Variants in BBS9 observed in about 807,000 individuals in gnomAD.
BBS9 encodes the protein protein PTHB1.
BBS9 carries 89 observed loss-of-function variants against 117.7 expected under a neutral mutation model. That is an observed-to-expected ratio of 0.76 (90% CI 0.64 to 0.90). BBS9 has a LOEUF of 0.90. Ranked by LOEUF, BBS9 falls within the 40% of genes least tolerant of loss-of-function variation. BBS9 has a pLI of 0.00. For missense variants in BBS9, 982 were observed against 1,042.2 expected, an observed-to-expected ratio of 0.94 and a Z score of 0.80; for synonymous variants, 379 against 370.9, an observed-to-expected ratio of 1.02 and a Z score of -0.25.
At chr7:33,363,700 T>A (rs1375753833) in intron 16 of BBS9, among the ~76,000 whole-genome samples, 2 of 151,202 alleles carry the variant, frequency 1.3e-5, no homozygotes, top group South Asian at 2.1e-4. Context: ...TTTTTTTTTT[T>A]AACCAGGTTG....
At chr7:33,615,160 A>G (rs1865066950) in intron 21 of BBS9, among the ~76,000 whole-genome samples, 1 of 152,024 alleles carries the variant, frequency 6.6e-6, no homozygotes, top group Non-Finnish European at 1.5e-5. Context: ...CTTGTTTACC[A>G]CAGTTCTTTT....
At chr7:33,479,277 A>G (rs570727635) in intron 19 of BBS9, among the ~76,000 whole-genome samples, 113 of 152,004 alleles carry the variant, frequency 7.4e-4, no homozygotes, top group South Asian at 1.9e-3. Flanking sequence ...CACAGTATCT[A>G]TTTTTCCCAT....
At chr7:33,221,726 A>T (rs2128239782) in intron 5 of BBS9, among the ~76,000 whole-genome samples, 1 of 152,276 alleles carries the variant, frequency 6.6e-6, no homozygotes, top group South Asian at 2.1e-4. Flanking sequence ...TGTTTAAAAA[A>T]TTTTCACAAT....
chr7:33,166,059 TTTTG>T (rs778506992), intron 4 of BBS9, among the ~76,000 whole-genome samples: 3 of 152,208 alleles, frequency 2.0e-5, no homozygotes, highest in Non-Finnish European at 2.9e-5. Flanking sequence ...TGCTATTCCT[TTTTG>T]TTTGTTAGTT....
chr7:33,410,510 G>A lies in BBS9; in HGVS notation c.2115+22366G>A, dbSNP rs139279294. ...CCCCCTCTCTGTCACTCTCCCAGGA[G>A]ACAACCTTATATTCTGTCTTGTCAG... is the stretch of plus-strand genomic sequence containing the variant. On this transcript the variant is annotated intron_variant, in intron 19 of 22. Transcript: ENST00000242067. Among the ~76,000 whole-genome samples the A allele has an allele frequency of 3.9e-5, 6 of 152,230 alleles. No homozygotes were observed. The East Asian group carries it at 1.2e-3, about 29-fold the overall frequency.
downstream of BBS9, among the ~76,000 whole-genome samples, chr7:33,607,113 A>G (rs1256325328): frequency 6.6e-5 from 10 of 152,150 alleles, no homozygotes; most frequent in Non-Finnish European, 1.3e-4. Context: ...CTGGTAGGAT[A>G]GATTTGCAAG....
At chr7:33,144,947 A>G (rs909105852) in intron 1 of BBS9, among the ~76,000 whole-genome samples, 3 of 152,220 alleles carry the variant, frequency 2.0e-5, no homozygotes, top group African/African-American at 7.2e-5. Flanking sequence ...ATGAAATTAG[A>G]TAAGGTTAGT....
intron 19 of BBS9, among the ~76,000 whole-genome samples, chr7:33,491,333 A>G (rs1224580795): frequency 1.3e-5 from 2 of 152,184 alleles, no homozygotes; most frequent in Non-Finnish European, 2.9e-5. Context: ...CTGATTTGAA[A>G]ACCATTAAAG....
At chr7:33,502,273 T>C (rs1470347898) in intron 19 of BBS9, among the ~76,000 whole-genome samples, 1 of 152,118 alleles carries the variant, frequency 6.6e-6, no homozygotes, top group East Asian at 1.9e-4. Context: ...TAAATAGCTC[T>C]CTGGGGAAGA....
intron 21 of BBS9, among the ~76,000 whole-genome samples, chr7:33,569,219 A>G (rs1203297970): frequency 6.6e-6 from 1 of 152,172 alleles, no homozygotes; most frequent in Non-Finnish European, 1.5e-5. Flanking sequence ...AAAGTATTAT[A>G]CACAAACGCT....
At chr7:33,500,295 T>C (rs536557264) in intron 19 of BBS9, among the ~76,000 whole-genome samples, 19 of 152,360 alleles carry the variant, frequency 1.2e-4, no homozygotes, top group African/African-American at 4.6e-4. Context: ...GAAAATTCAC[T>C]GGATTATTTT....
At position 33,357,926 on chromosome 7, in the gene BBS9, A is replaced by T. The variant is rs1417640176; in HGVS notation, c.1624A>T (p.Lys542Ter). 7.4e-6 allele frequency: 12 copies of T among 1,612,700 alleles called. No homozygotes were observed. The highest frequency in any genetic ancestry group is 1.0e-5 in the Non-Finnish European group (12 of 1,178,968). The change falls in exon 16 of 23, where the codon AAA becomes TAA. Residue 542 changes from lysine (K) to a stop codon, truncating the protein, a stop_gained. Transcript: ENST00000242067. LOFTEE classifies it high-confidence loss of function. ...AATTTGCCTACCAGGTCAGCCTTCA[A>T]AAACTGCAAGCCACAAAATTACTAT... is the stretch of plus-strand genomic sequence containing the variant. ...KLICLPGQPS[K>*]TASHKITIDT...
intron 20 of BBS9, among the ~76,000 whole-genome samples, chr7:33,525,914 T>G (rs1432063577): frequency 6.6e-6 from 1 of 151,850 alleles, no homozygotes; most frequent in Non-Finnish European, 1.5e-5. Flanking sequence ...GTTTAGCGCT[T>G]CCTTCCGGAG....
At chr7:33,592,973 A>C (rs1424286209) in intron 21 of BBS9, among the ~76,000 whole-genome samples, 2 of 152,104 alleles carry the variant, frequency 1.3e-5, no homozygotes, top group Non-Finnish European at 2.9e-5. Context: ...CTGTAGCTGT[A>C]ATGTTTTATT....
intron 21 of BBS9, among the ~76,000 whole-genome samples, chr7:33,585,637 G>A (rs959165331): frequency 6.6e-6 from 1 of 151,702 alleles, no homozygotes; most frequent in African/African-American, 2.4e-5. Context: ...ACTATGGCTA[G>A]CACATAAGTG....
At chr7:33,281,755 A>G (rs1311748240) in intron 9 of BBS9, among the ~76,000 whole-genome samples, 2 of 151,932 alleles carry the variant, frequency 1.3e-5, no homozygotes, top group African/African-American at 2.4e-5. Context: ...GTAAAAATGT[A>G]TTGTTATATT....
intron 5 of BBS9, among the ~76,000 whole-genome samples, chr7:33,183,766 G>C (rs1036721583): frequency 6.6e-6 from 1 of 152,132 alleles, no homozygotes; most frequent in Non-Finnish European, 1.5e-5. Context: ...TACTTAAAAG[G>C]TCAAGCTCCC....
Position 33,336,487 on chromosome 7 carries a change from C to T in BBS9, c.1063C>T (p.Gln355Ter), listed in dbSNP as rs137852858. ...IVTLSDDGHLQCSYLGTDPSL... is the reference protein window; with the variant it reads ...IVTLSDDGHL The stretch of plus-strand genomic sequence containing the variant: ...CACTCTGAGTGATGATGGTCACTTG[C>T]AGTGTTCATACCTGGGGACAGATCC... Residue 355 changes from glutamine (Q) to a stop codon, truncating the protein, a stop_gained, in exon 10 of 23, where the codon CAG becomes TAG. Coordinates refer to ENST00000242067, the MANE Select transcript of BBS9 (RefSeq NM_198428.3). LOFTEE classifies it high-confidence loss of function. 15 of 1,613,702 alleles carry T rather than the reference C, an allele frequency of 9.3e-6. No individual in the cohort carries two copies. The highest frequency in any genetic ancestry group is 1.3e-5 in the Non-Finnish European group (15 of 1,179,738).
At chr7:33,629,475 G>A (rs543955697) in intron 21 of BBS9, among the ~76,000 whole-genome samples, 2 of 152,162 alleles carry the variant, frequency 1.3e-5, no homozygotes, top group Admixed American at 1.3e-4. Context: ...CTGTTCGATC[G>A]CTATGTGACG....
Sources: gnomAD v4.1 joint callset for allele counts (sites outside exome capture counted in the v4.1 genomes callset) on GRCh38, gnomAD v4.1.1 for gene constraint, MANE v1.5 for transcripts, NCBI Gene and HGNC (gene_info 2026-07-23, HGNC 2026-07-21) for gene names.